FAM151A: variants seen among roughly 807,000 people sequenced by gnomAD.
The protein encoded by FAM151A is protein FAM151A.
Under a neutral mutation model 40.4 loss-of-function variants are expected in FAM151A, and 41 were observed. That is an observed-to-expected ratio of 1.01 (90% confidence interval 0.79 to 1.32). FAM151A has a LOEUF of 1.32. Among genes scored for constraint, FAM151A ranks in the 40% most tolerant of loss-of-function variants. The probability of loss-of-function intolerance (pLI) is 0.00; values close to 1 mark genes in which losing one functional copy is unlikely to be tolerated. For synonymous variants in FAM151A, 337 were observed against 312.5 expected (o/e 1.08, Z -0.83); for missense variants, 740 against 740.4 (o/e 1.00, Z 0.01).
At chr1:54,611,116 A>G (rs1011927789) in intron 6 of FAM151A, 1 of 742,638 alleles carries the variant, frequency 1.3e-6, no homozygotes, top group Non-Finnish European at 1.6e-6. Flanking sequence ...TCTCTATAAA[A>G]TGGAATCCCT....
chr1:54,618,089 C>T (rs933630532), intron 2 of FAM151A, among the ~76,000 whole-genome samples: 2 of 151,920 alleles, frequency 1.3e-5, no homozygotes, highest in South Asian at 2.1e-4. Flanking sequence ...ATGGGCCACA[C>T]GTTGGGTAGC....
chr1:54,610,292 C>A, intron 7 of FAM151A, 120 bp downstream of exon 7: 1 of 1,516,612 alleles, frequency 6.6e-7, no homozygotes, highest in Non-Finnish European at 8.8e-7. Context: ...ACCTTGCATC[C>A]AGGGTATGGT....
chr1:54,619,892 G>T lies in FAM151A; in HGVS notation c.234C>A (p.Ser78Arg). The change falls in exon 2 of 8, where the codon AGC becomes AGA. Residue 78 changes from serine (S) to arginine (R), a missense_variant. By Grantham distance (110) the Ser-to-Arg change is moderately radical (BLOSUM62 -1). Coordinates refer to ENST00000302250, the MANE Select transcript of FAM151A (RefSeq NM_176782.3). ...LEVTWYHAAN[S>R]KKAMTAALNS... ...TCAGGGCAGCTGTCATGGCTTTCTT[G>T]CTGTTGGCTGCGTGGTACCAGGTGA... 1.2e-6 allele frequency: 2 copies of T among 1,614,110 alleles called. No individual in the cohort carries two copies. The highest frequency in any genetic ancestry group is 1.7e-6 in the Non-Finnish European group (2 of 1,180,026).
intron 6 of FAM151A, 163 bp from the exon 7 acceptor site, chr1:54,610,718 G>T: frequency 3.1e-6 from 3 of 980,066 alleles, no homozygotes; most frequent in Non-Finnish European, 3.6e-6. Context: ...TAGAAGAAGT[G>T]ACTTGCCCAA....
chr1:54,611,584 C>A, intron 6 of FAM151A, 22 bp downstream of exon 6: 1 of 1,612,916 alleles, frequency 6.2e-7, no homozygotes, highest in Non-Finnish European at 8.5e-7. Flanking sequence ...CCCACACCAC[C>A]CTTCCCAATT....
Position 54,614,818 on chromosome 1 carries a change from A to T in FAM151A, c.457T>A (p.Ser153Thr), listed in dbSNP as rs763682547. ...GTCAGCTGCCGCAGGAGGTCCAGGGAGGGGCCCACTGCCTTGATGTTCTTG... is the reference window on the plus strand; with the variant it reads ...GTCAGCTGCCGCAGGAGGTCCAGGGTGGGGCCCACTGCCTTGATGTTCTTG... ...DFKNIKAVGP[S>T]LDLLRQLTEE... The change falls in exon 4 of 8, where the codon TCC becomes ACC. Residue 153 changes from serine to threonine, a missense_variant. Transcript: ENST00000302250. 1 of 1,614,088 alleles carries T rather than the reference A, an allele frequency of 6.2e-7. No homozygotes were observed. The highest frequency in any genetic ancestry group is 8.5e-7 in the Non-Finnish European group (1 of 1,180,014).
intron 1 of FAM151A, among the ~76,000 whole-genome samples, chr1:54,622,992 T>G (rs1385971958): frequency 6.6e-6 from 1 of 151,700 alleles, no homozygotes; most frequent in Non-Finnish European, 1.5e-5. Flanking sequence ...CTGGCCAACA[T>G]GGTGAAACCC....
chr1:54,609,233 G>T lies in FAM151A; in HGVS notation c.*35C>A. 1.3e-6 allele frequency: 2 copies of T among 1,592,492 alleles called. No individual in the cohort carries two copies. Among genetic ancestry groups the T allele is most frequent in the Non-Finnish European group, 1.7e-6 (2 of 1,167,780 alleles). On this transcript the variant is annotated 3_prime_UTR_variant, in exon 8 of 8. Transcript: ENST00000302250. ...TCCTGCCTCCCCGTGGGAAGCCTCC[G>T]CCCTGAGGTCCGCTGGCCCACCACC...
At chr1:54,618,209 AAAT>A (rs1163268621) in intron 2 of FAM151A, among the ~76,000 whole-genome samples, 1 of 152,168 alleles carries the variant, frequency 6.6e-6, no homozygotes, top group Non-Finnish European at 1.5e-5. Flanking sequence ...TGGCTTAAAA[AAAT>A]CACCTCCTCA....
intron 4 of FAM151A, among the ~76,000 whole-genome samples, chr1:54,613,057 GTC>G (rs1421965364): frequency 2.0e-5 from 3 of 152,048 alleles, no homozygotes; most frequent in Admixed American, 2.0e-4. Flanking sequence ...CCAGCTGGGA[GTC>G]TCTGAAGTTT....
At chr1:54,610,723 G>T in intron 6 of FAM151A, 168 bp from the exon 7 acceptor site, 6 of 979,962 alleles carry the variant, frequency 6.1e-6, no homozygotes, top group Non-Finnish European at 7.3e-6. Context: ...GAAGTGACTT[G>T]CCCAAGGTCT....
At chr1:54,615,010 G>T in intron 3 of FAM151A, 151 bp from the exon 4 acceptor site, 1 of 752,616 alleles carries the variant, frequency 1.3e-6, no homozygotes. Context: ...CCACATCCCT[G>T]CAGGGTGTGA....
Position 54,612,574 on chromosome 1 carries a change from C to A in FAM151A, c.712G>T (p.Val238Leu), listed in dbSNP as rs1157294013. 2.5e-6 allele frequency: 4 copies of A among 1,614,086 alleles called. No homozygotes were observed. The highest frequency in any genetic ancestry group is 2.5e-6 in the Non-Finnish European group (3 of 1,180,008). Residue 238 changes from valine (V) to leucine (L), a missense_variant, in exon 5 of 8, where the codon GTG becomes TTG. Physicochemically the swap from Val to Leu is conservative, Grantham distance 32 (BLOSUM62 1). Transcript: ENST00000302250. Reference sequence around the variant, plus strand: ...ACAGGGAAGGTGACCCTCTGGGGCACTCCTCCCACCAGCTCGTGCATCTTC... The same window carrying A: ...ACAGGGAAGGTGACCCTCTGGGGCAATCCTCCCACCAGCTCGTGCATCTTC... ...VEKMHELVGGVPQRVTFPVRS... is the reference protein window; with the variant it reads ...VEKMHELVGGLPQRVTFPVRS...
intron 7 of FAM151A, 109 bp downstream of exon 7, chr1:54,610,303 G>A (rs1644103346): frequency 7.8e-6 from 12 of 1,535,210 alleles, no homozygotes; most frequent in South Asian, 2.5e-5. Context: ...AGGGTATGGT[G>A]TAAATAAACC....
At position 54,611,304 on chromosome 1, in the gene FAM151A, G is replaced by A. The variant is rs370947998; in HGVS notation, c.940+302C>T. ...ACAAAAATTAGCCGGGCATGGTGGC[G>A]CAGGAGAATCGCTTGAACCCAGGAG... On this transcript the variant is annotated intron_variant, in intron 6 of 7. Transcript: ENST00000302250. Among the ~76,000 whole-genome samples, 9 of 152,224 alleles carry A rather than the reference G, an allele frequency of 5.9e-5. No individual in the cohort carries two copies. The East Asian group carries it at 1.2e-3, about 20-fold the overall frequency.
intron 2 of FAM151A, among the ~76,000 whole-genome samples, chr1:54,617,825 G>GTGAT (rs1035448157): frequency 1.4e-5 from 2 of 144,476 alleles, no homozygotes; most frequent in African/African-American, 5.1e-5. Flanking sequence ...CTGGGTTCAA[G>GTGAT]TGATTCTCCT....
intron 2 of FAM151A, among the ~76,000 whole-genome samples, chr1:54,616,755 A>T (rs544498606): frequency 2.6e-5 from 4 of 152,262 alleles, no homozygotes; most frequent in Non-Finnish European, 5.9e-5. Flanking sequence ...CATTTCCACG[A>T]TCTTTTTTTA....
chr1:54,614,525 G>GA (rs948842821), intron 4 of FAM151A, among the ~76,000 whole-genome samples, 175 bp downstream of exon 4: 2 of 152,182 alleles, frequency 1.3e-5, no homozygotes, highest in African/African-American at 4.8e-5. Flanking sequence ...TGGTTTGTCA[G>GA]AAAAGGGGGG....
chr1:54,617,848 T>A (rs1644189995), intron 2 of FAM151A, among the ~76,000 whole-genome samples: 1 of 150,332 alleles, frequency 6.7e-6, no homozygotes, highest in Non-Finnish European at 1.5e-5. Context: ...CTCAGCCTCC[T>A]GAGTAGCTGG....
Sources: gnomAD v4.1 joint callset for allele counts (sites outside exome capture counted in the v4.1 genomes callset) on GRCh38, gnomAD v4.1.1 for gene constraint, MANE v1.5 for transcripts, NCBI Gene and HGNC (gene_info 2026-07-23, HGNC 2026-07-21) for gene names.